FHIT: variants seen among roughly 807,000 people sequenced by gnomAD.
FHIT encodes fragile histidine triad diadenosine triphosphatase.
FHIT carries 19 observed loss-of-function variants against 17.9 expected under a neutral mutation model. That is an observed-to-expected ratio of 1.06 (90% confidence interval 0.74 to 1.56). The LOEUF is 1.56. FHIT is among the 40% of genes most tolerant of loss of function. FHIT has a pLI of 0.00. For missense variants in FHIT, 248 were observed against 189.2 expected (o/e 1.31, Z -1.82); for synonymous variants, 81 against 69.7 (o/e 1.16, Z -0.81).
intron 4 of FHIT, among the ~76,000 whole-genome samples, chr3:60,759,908 CT>C (rs1319182014): frequency 1.3e-5 from 2 of 152,180 alleles, no homozygotes; most frequent in South Asian, 2.1e-4. Context: ...AGGCTTCTTT[CT>C]TTTTTTCTTT....
intron 4 of FHIT, among the ~76,000 whole-genome samples, chr3:60,676,507 GTCTC>G (rs1264804285): frequency 1.3e-5 from 2 of 152,210 alleles, no homozygotes; most frequent in African/African-American, 4.8e-5. Context: ...GTCAGAAGCA[GTCTC>G]TCTCATTATG....
chr3:60,565,190 G>A (rs1422479483), intron 4 of FHIT, among the ~76,000 whole-genome samples: 1 of 152,164 alleles, frequency 6.6e-6, no homozygotes, highest in Non-Finnish European at 1.5e-5. Context: ...ACAGCTAAGT[G>A]TAAATATAGC....
intron 5 of FHIT, among the ~76,000 whole-genome samples, chr3:60,126,012 C>T (rs1287995541): frequency 6.6e-6 from 1 of 152,178 alleles, no homozygotes; most frequent in Non-Finnish European, 1.5e-5. Flanking sequence ...GTGGACTACA[C>T]TGACAGGCCC....
intron 5 of FHIT, among the ~76,000 whole-genome samples, chr3:60,318,945 T>C (rs1709291559): frequency 6.6e-6 from 1 of 152,110 alleles, no homozygotes; most frequent in Non-Finnish European, 1.5e-5. Context: ...TGTAGTTCTT[T>C]CCCTCATCTC....
At chr3:60,996,281 C>G (rs1424087461) in intron 3 of FHIT, among the ~76,000 whole-genome samples, 1 of 152,142 alleles carries the variant, frequency 6.6e-6, no homozygotes, top group Non-Finnish European at 1.5e-5. Flanking sequence ...AGCCCGGATG[C>G]AAAATGCGGT....
chr3:60,712,085 T>C (rs1230309618), intron 4 of FHIT, among the ~76,000 whole-genome samples: 6 of 152,122 alleles, frequency 3.9e-5, no homozygotes, highest in African/African-American at 1.2e-4. Context: ...TCGGCAGAAA[T>C]ACTACAAGCC....
intron 5 of FHIT, among the ~76,000 whole-genome samples, chr3:60,279,859 G>A (rs1291596506): frequency 6.6e-6 from 1 of 151,688 alleles, no homozygotes; most frequent in Non-Finnish European, 1.5e-5. Flanking sequence ...GTGAAACCCC[G>A]TCTCTACTAA....
At chr3:60,029,131 T>G in intron 5 of FHIT, among the ~76,000 whole-genome samples, 1 of 152,332 alleles carries the variant, frequency 6.6e-6, no homozygotes, top group Non-Finnish European at 1.5e-5. Flanking sequence ...CGTTTTTTAC[T>G]TCTTTCATTA....
intron 5 of FHIT, chr3:60,080,990 A>T (rs1246974884): frequency 1.3e-5 from 2 of 152,162 alleles, no homozygotes; most frequent in Admixed American, 1.3e-4. Context: ...ATGGGAGTGC[A>T]GGCATCTATC....
At chr3:60,618,367 A>C (rs886749924) in intron 4 of FHIT, among the ~76,000 whole-genome samples, 1 of 152,126 alleles carries the variant, frequency 6.6e-6, no homozygotes, top group African/African-American at 2.4e-5. Context: ...TTTGCTACAC[A>C]GATCATCCCA....
At chr3:60,429,270 C>A (rs948727712) in intron 5 of FHIT, among the ~76,000 whole-genome samples, 1 of 151,988 alleles carries the variant, frequency 6.6e-6, no homozygotes, top group Non-Finnish European at 1.5e-5. Context: ...TCACTGATTT[C>A]TTCCACTTAT....
chr3:60,482,611 G>T (rs1160148422), intron 5 of FHIT, among the ~76,000 whole-genome samples: 2 of 152,068 alleles, frequency 1.3e-5, no homozygotes, highest in Non-Finnish European at 1.5e-5. Context: ...CGGAAATCAA[G>T]AAGTTCTTTG....
chr3:60,928,522 C>A (rs1176174067), intron 3 of FHIT, among the ~76,000 whole-genome samples: 2 of 149,606 alleles, frequency 1.3e-5, no homozygotes, highest in South Asian at 4.3e-4. Flanking sequence ...GCACTCCAGC[C>A]TAGGTGACAG....
chr3:60,951,906 C>T (rs1708901223), intron 3 of FHIT, among the ~76,000 whole-genome samples: 1 of 152,106 alleles, frequency 6.6e-6, no homozygotes, highest in African/African-American at 2.4e-5. Flanking sequence ...TGGCTGATGC[C>T]TGGAGTCCCA....
chr3:60,933,128 C>T (rs1023262929), intron 3 of FHIT, among the ~76,000 whole-genome samples: 10 of 152,170 alleles, frequency 6.6e-5, no homozygotes, highest in Non-Finnish European at 1.3e-4. Flanking sequence ...TATTTCATGA[C>T]ATGAACATAT....
chr3:60,710,462 G>A (rs2041494686), intron 4 of FHIT, among the ~76,000 whole-genome samples: 1 of 152,194 alleles, frequency 6.6e-6, no homozygotes, highest in South Asian at 2.1e-4. Flanking sequence ...GCTGAAGCAG[G>A]GCAAGGCATT....
chr3:61,104,555 T>C (rs1368233380), intron 2 of FHIT, among the ~76,000 whole-genome samples: 4 of 152,196 alleles, frequency 2.6e-5, no homozygotes, highest in African/African-American at 9.7e-5. Context: ...TTGGGGATGA[T>C]CTTCTTGTGA....
intron 4 of FHIT, among the ~76,000 whole-genome samples, chr3:60,568,978 C>CT (rs11370343): frequency 0.82 from 119,292 of 146,282 alleles, 48,682 homozygotes; most frequent in South Asian, 0.92. Flanking sequence ...GCTAGAGATT[C>CT]TTTTTTTTTT....
chr3:59,849,472 G>A (rs914026588), intron 8 of FHIT, among the ~76,000 whole-genome samples: 3 of 152,148 alleles, frequency 2.0e-5, no homozygotes, highest in Admixed American at 2.0e-4. Context: ...ATCTCATGGA[G>A]GCAAAATTAT....
Sources: allele counts gnomAD v4.1 joint callset (sites outside exome capture counted in the v4.1 genomes callset), GRCh38; gene constraint gnomAD v4.1.1; transcripts MANE v1.5; gene names NCBI Gene and HGNC (gene_info 2026-07-23, HGNC 2026-07-21).